The following NCOA3 variants were observed in gnomAD, a reference collection of about 807,000 sequenced individuals.
NCOA3 encodes nuclear receptor coactivator 3, also known as CBP-interacting protein.
In NCOA3, 51 loss-of-function variants were observed where a neutral mutation model predicts 158.8. The ratio of observed to expected loss-of-function variants is 0.32; its 90% CI spans 0.26 to 0.41. The LOEUF (loss-of-function observed/expected upper bound fraction) is 0.41. NCOA3 is among the 10% of genes least tolerant of loss of function. The pLI is 1.00. For missense variants in NCOA3, 1,510 were observed against 1,746.6 expected, an observed-to-expected ratio of 0.86 and a Z score of 2.41; for synonymous variants, 537 against 592.4, an observed-to-expected ratio of 0.91 and a Z score of 1.36.
intron 1 of NCOA3, among the ~76,000 whole-genome samples, chr20:47,545,729 T>A (rs1376843964): frequency 6.6e-6 from 1 of 152,074 alleles, no homozygotes; most frequent in Non-Finnish European, 1.5e-5. Context: ...GTGATATATA[T>A]ATGGAGACAC....
chr20:47,563,488 A>G (rs1168547993), intron 1 of NCOA3, among the ~76,000 whole-genome samples: 4 of 152,122 alleles, frequency 2.6e-5, no homozygotes, highest in African/African-American at 9.7e-5. Flanking sequence ...TCAAAAAGGG[A>G]AAAAAATGGT....
intron 3 of NCOA3, 122 bp from the exon 4 acceptor site, chr20:47,623,789 C>T (rs538639626): frequency 2.8e-5 from 26 of 927,982 alleles, no homozygotes; most frequent in South Asian, 2.0e-5. Flanking sequence ...AACTCTGTCT[C>T]GAGGAAAAAA....
chr20:47,510,432 C>CAAAA (rs59554529), intron 1 of NCOA3, among the ~76,000 whole-genome samples: 2 of 67,876 alleles, frequency 2.9e-5, no homozygotes, highest in Non-Finnish European at 5.2e-5. Context: ...GACTCCATCT[C>CAAAA]AAAAAAAAAA....
chr20:47,568,771 C>T (rs377053582), intron 1 of NCOA3, among the ~76,000 whole-genome samples: 10 of 150,688 alleles, frequency 6.6e-5, no homozygotes, highest in African/African-American at 2.2e-4. Flanking sequence ...ACTCCAGCTT[C>T]GGTGACAGAG....
At chr20:47,527,133 T>C (rs1459374533) in intron 1 of NCOA3, among the ~76,000 whole-genome samples, 3 of 152,254 alleles carry the variant, frequency 2.0e-5, no homozygotes, top group Non-Finnish European at 4.4e-5. Flanking sequence ...ATCATGTCTG[T>C]GAATAAAGAC....
rs937727424 is a variant in NCOA3 at position 47,564,166 on chromosome 20, A to T, written c.-98-19017A>T. Among the ~76,000 whole-genome samples the T allele has an allele frequency of 2.0e-4, 31 of 152,192 alleles. No individual in the cohort carries two copies. The East Asian group carries it at 5.8e-3, about 28-fold the overall frequency. On this transcript the variant is annotated intron_variant, in intron 1 of 22. Coordinates refer to ENST00000371998, the MANE Select transcript of NCOA3 (RefSeq NM_181659.3). ...CCTGTCTCAAAAAACGAAAAAAAAA[A>T]AATTTATGCACCTTTCTCCGTTTTT... is the stretch of plus-strand genomic sequence containing the variant.
At chr20:47,523,127 A>C (rs1348748812) in intron 1 of NCOA3, among the ~76,000 whole-genome samples, 1 of 152,184 alleles carries the variant, frequency 6.6e-6, no homozygotes, top group Non-Finnish European at 1.5e-5. Context: ...CGGAGCTTGC[A>C]GTGAGCCGAG....
intron 2 of NCOA3, among the ~76,000 whole-genome samples, chr20:47,597,650 A>G (rs1391796387): frequency 6.6e-6 from 1 of 151,240 alleles, no homozygotes; most frequent in African/African-American, 2.4e-5. Flanking sequence ...CACCAAGCCC[A>G]GCTACTTTTT....
intron 1 of NCOA3, among the ~76,000 whole-genome samples, chr20:47,507,440 C>T (rs546515888): frequency 1.2e-4 from 19 of 152,234 alleles, no homozygotes; most frequent in Non-Finnish European, 1.3e-4. Context: ...TGGTTTATGT[C>T]GACAACCTAA....
chr20:47,547,910 T>G (rs2084859637), intron 1 of NCOA3, among the ~76,000 whole-genome samples: 1 of 151,474 alleles, frequency 6.6e-6, no homozygotes, highest in Non-Finnish European at 1.5e-5. Flanking sequence ...ATTTTTATTT[T>G]TAATAAAGAT....
chr20:47,546,525 CTGT>C (rs1285148874), intron 1 of NCOA3, among the ~76,000 whole-genome samples: 2 of 135,468 alleles, frequency 1.5e-5, no homozygotes, highest in Admixed American at 7.9e-5. Flanking sequence ...TGACTTGCCT[CTGT>C]TTTTTTTTTT....
In NCOA3 at chr20:47,642,399, C is replaced by T; in HGVS notation, c.3252+15C>T. 1.9e-6 allele frequency: 3 copies of T among 1,580,000 alleles called. No homozygotes were observed. The highest frequency in any genetic ancestry group is 2.2e-5 in the East Asian group (1 of 44,520). On this transcript the variant is annotated intron_variant, in intron 17 of 22. Transcript: ENST00000371998. ...TTGTCAATCAGGTAGGTTGCATTAA[C>T]ATGGAAGTAGGAGAGTGTATATTTG...
intron 1 of NCOA3, among the ~76,000 whole-genome samples, chr20:47,525,862 C>A (rs540432668): frequency 7.5e-6 from 1 of 133,692 alleles, no homozygotes; most frequent in East Asian, 2.3e-4. Flanking sequence ...CCTCACTTCC[C>A]GGATGGGGCG....
intron 1 of NCOA3, among the ~76,000 whole-genome samples, 163 bp downstream of exon 1, chr20:47,502,182 G>A (rs1426096489): frequency 2.6e-5 from 4 of 151,874 alleles, no homozygotes; most frequent in Non-Finnish European, 5.9e-5. Context: ...GTTTCGGGGT[G>A]TCGGGGCCGC....
intron 1 of NCOA3, among the ~76,000 whole-genome samples, chr20:47,533,896 A>G (rs1385154807): frequency 2.0e-5 from 3 of 152,196 alleles, no homozygotes; most frequent in African/African-American, 7.2e-5. Flanking sequence ...ACTGTACTCC[A>G]GCCTGGGCAA....
intron 8 of NCOA3, chr20:47,628,303 T>C (rs765948054): frequency 2.3e-5 from 7 of 298,746 alleles, no homozygotes; most frequent in Non-Finnish European, 4.3e-5. Context: ...CCAAATTGCA[T>C]TTTGCGTCAG....
intron 1 of NCOA3, among the ~76,000 whole-genome samples, chr20:47,549,298 G>T (rs2084891489): frequency 2.0e-5 from 3 of 151,762 alleles, no homozygotes; most frequent in Admixed American, 2.0e-4. Flanking sequence ...GAGGTGAGAG[G>T]ATCACTTAAG....
intron 10 of NCOA3, among the ~76,000 whole-genome samples, chr20:47,634,565 T>C (rs1054180187): frequency 7.2e-5 from 11 of 152,150 alleles, no homozygotes; most frequent in Non-Finnish European, 1.5e-4. Flanking sequence ...GGGTTGGTAG[T>C]GGCAAATAAG....
chr20:47,626,160 T>C (rs2086318776), intron 5 of NCOA3, among the ~76,000 whole-genome samples: 1 of 152,242 alleles, frequency 6.6e-6, no homozygotes, highest in South Asian at 2.1e-4. Flanking sequence ...TCTTGAGGAA[T>C]TGTTAAGACT....
Sources: gnomAD v4.1 joint callset for allele counts (sites outside exome capture counted in the v4.1 genomes callset) on GRCh38, gnomAD v4.1.1 for gene constraint, MANE v1.5 for transcripts, NCBI Gene and HGNC (gene_info 2026-07-23, HGNC 2026-07-21) for gene names.